DHRSX: variants seen among roughly 807,000 people sequenced by gnomAD.
DHRSX encodes the protein dehydrogenase/reductase X-linked.
In DHRSX, 31 loss-of-function variants were observed where a neutral mutation model predicts 34.0. The ratio of observed to expected loss-of-function variants is 0.91; its 90% CI spans 0.69 to 1.23. The LOEUF is 1.23. Ranked by LOEUF, DHRSX falls within the 50% of genes most tolerant of loss-of-function variation. The probability of loss-of-function intolerance (pLI) is 0.00; values close to 1 mark genes in which losing one functional copy is unlikely to be tolerated. For missense variants in DHRSX, 414 were observed against 428.1 expected, an observed-to-expected ratio of 0.97 and a Z score of 0.29; for synonymous variants, 201 against 183.8, an observed-to-expected ratio of 1.09 and a Z score of -0.76.
intron 3 of DHRSX, among the ~76,000 whole-genome samples, chrX:2,318,859 C>T (rs968734603): frequency 6.6e-6 from 1 of 152,092 alleles, no homozygotes; most frequent in African/African-American, 2.4e-5. Context: ...ACCCCAAATT[C>T]TTTCTTGCAC....
Position 2,367,771 on chromosome X carries a change from T to G in DHRSX, c.286+40974A>C, listed in dbSNP as rs1254451291. Among the ~76,000 whole-genome samples the G allele has an allele frequency of 8.5e-5, 13 of 152,326 alleles. No homozygotes were observed. In the East Asian group the frequency reaches 2.5e-3, roughly 29 times the overall value. On this transcript the variant is annotated intron_variant, in intron 3 of 6. Transcript: ENST00000334651. The stretch of plus-strand genomic sequence containing the variant: ...AACTAATTTAGCAAAACATTATGAT[T>G]TGATACAACTGGATGGTGGGTACAC...
chrX:2,365,505 G>C (rs961287058), intron 3 of DHRSX, among the ~76,000 whole-genome samples: 3 of 152,064 alleles, frequency 2.0e-5, no homozygotes, highest in African/African-American at 4.8e-5. Context: ...TGCCTAGAGA[G>C]TTCATCCTAA....
At chrX:2,354,613 C>A (rs1394075120) in intron 3 of DHRSX, among the ~76,000 whole-genome samples, 2 of 152,186 alleles carry the variant, frequency 1.3e-5, no homozygotes, top group East Asian at 3.8e-4. Flanking sequence ...AGGCACCCAC[C>A]ACCACGCCTG....
At chrX:2,245,118 C>A (rs1350603896) in intron 5 of DHRSX, among the ~76,000 whole-genome samples, 5 of 152,150 alleles carry the variant, frequency 3.3e-5, no homozygotes, top group Non-Finnish European at 7.4e-5. Context: ...CCAGCTGGAA[C>A]CTGCTGAAGG....
chrX:2,361,173 C>T (rs919205645), intron 3 of DHRSX, among the ~76,000 whole-genome samples: 3 of 152,018 alleles, frequency 2.0e-5, no homozygotes, highest in East Asian at 3.9e-4. Flanking sequence ...TGCAGTGGTG[C>T]GATCTCGGCT....
chrX:2,424,834 T>C (rs1569499667), intron 2 of DHRSX, among the ~76,000 whole-genome samples: 1 of 152,120 alleles, frequency 6.6e-6, no homozygotes, highest in African/African-American at 2.4e-5. Flanking sequence ...GTAGCTCACA[T>C]TAGGTATAAG....
chrX:2,243,942 T>C (rs2124428827), intron 5 of DHRSX, among the ~76,000 whole-genome samples: 1 of 150,682 alleles, frequency 6.6e-6, no homozygotes, highest in African/African-American at 2.4e-5. Flanking sequence ...GCTAATTTTT[T>C]GTATTTTTAG....
chrX:2,430,445 C>T (rs1048918291), intron 1 of DHRSX, among the ~76,000 whole-genome samples: 15 of 152,178 alleles, frequency 9.9e-5, no homozygotes, highest in African/African-American at 2.2e-4. Context: ...ACCAGCCACC[C>T]GGTGCCTCTG....
intron 3 of DHRSX, among the ~76,000 whole-genome samples, chrX:2,331,440 T>TTTTTG (rs1569489998): frequency 1.5e-5 from 1 of 67,162 alleles, no homozygotes; most frequent in Non-Finnish European, 2.9e-5. Context: ...TTTTTGGTTT[T>TTTTTG]TTTTTTTTTT....
chrX:2,326,809 CTTT>C (rs776129131), intron 3 of DHRSX, among the ~76,000 whole-genome samples: 2 of 144,600 alleles, frequency 1.4e-5, no homozygotes, highest in Non-Finnish European at 1.5e-5. Flanking sequence ...TTCAGTTTTT[CTTT>C]TTTTTTTTTT....
intron 1 of DHRSX, among the ~76,000 whole-genome samples, chrX:2,433,238 C>T (rs1425708507): frequency 6.6e-6 from 1 of 152,050 alleles, no homozygotes; most frequent in African/African-American, 2.4e-5. Flanking sequence ...TTTCAGATAT[C>T]TAAAAAGTTC....
chrX:2,365,225 C>T (rs2042982967), intron 3 of DHRSX, among the ~76,000 whole-genome samples: 1 of 152,190 alleles, frequency 6.6e-6, no homozygotes, highest in Non-Finnish European at 1.5e-5. Flanking sequence ...TGTCCAGAAT[C>T]TACAAGGAAC....
At chrX:2,412,382 C>T (rs570771936) in intron 2 of DHRSX, among the ~76,000 whole-genome samples, 2 of 152,254 alleles carry the variant, frequency 1.3e-5, no homozygotes, top group African/African-American at 4.8e-5. Flanking sequence ...CTGCACCCGG[C>T]CTGGTTTTTT....
intron 2 of DHRSX, among the ~76,000 whole-genome samples, chrX:2,423,355 G>A (rs1295854492): frequency 2.6e-5 from 4 of 152,078 alleles, no homozygotes; most frequent in East Asian, 1.9e-4. Flanking sequence ...AGGGGATGCC[G>A]TGAGCCGAGG....
chrX:2,382,570 TCATCAC>T (rs1801503495), intron 3 of DHRSX, among the ~76,000 whole-genome samples: 5 of 71,756 alleles, frequency 7.0e-5, no homozygotes, highest in South Asian at 8.4e-4. Context: ...ACCATCATCA[TCATCAC>T]CATCACCATC....
intron 3 of DHRSX, among the ~76,000 whole-genome samples, chrX:2,343,212 C>T (rs1047475709): frequency 2.6e-5 from 4 of 152,158 alleles, no homozygotes; most frequent in African/African-American, 9.7e-5. Context: ...CTTCCAAAAC[C>T]CTTAAATGTG....
chrX:2,438,939 G>A (rs1430364213), intron 1 of DHRSX, among the ~76,000 whole-genome samples: 5 of 152,040 alleles, frequency 3.3e-5, no homozygotes, highest in African/African-American at 1.2e-4. Flanking sequence ...GAGGTCAGGA[G>A]TTCAAGACCA....
chrX:2,425,898 C>T (rs376808828), intron 1 of DHRSX, among the ~76,000 whole-genome samples: 7 of 152,152 alleles, frequency 4.6e-5, no homozygotes, highest in South Asian at 2.1e-4. Context: ...AAGGAACAGG[C>T]GAGTAGGCTT....
intron 5 of DHRSX, among the ~76,000 whole-genome samples, chrX:2,247,377 G>T (rs2016322228): frequency 1.3e-5 from 2 of 151,958 alleles, no homozygotes; most frequent in African/African-American, 4.8e-5. Context: ...AATTAGGGCT[G>T]GGTGCAGTGG....
Sources: gnomAD v4.1 joint callset for allele counts (sites outside exome capture counted in the v4.1 genomes callset) on GRCh38, gnomAD v4.1.1 for gene constraint, MANE v1.5 for transcripts, NCBI Gene and HGNC (gene_info 2026-07-23, HGNC 2026-07-21) for gene names.